The following TOMT variants were observed in gnomAD, a reference collection of about 807,000 sequenced individuals.
TOMT encodes transmembrane O-methyltransferase.
TOMT carries 23 observed loss-of-function variants against 21.7 expected under a neutral mutation model. That is an observed-to-expected ratio of 1.06 (90% confidence interval 0.76 to 1.50). The LOEUF is 1.50. TOMT is among the 40% of genes most tolerant of loss of function. TOMT has a pLI of 0.00. For missense variants in TOMT, 331 were observed against 348.7 expected, an observed-to-expected ratio of 0.95 and a Z score of 0.41; for synonymous variants, 132 against 150.8, an observed-to-expected ratio of 0.88 and a Z score of 0.91.
chr11:72,108,740 C>T, exon 3 of TOMT: 1 of 1,550,556 alleles, frequency 6.4e-7, no homozygotes, highest in South Asian at 1.2e-5. Flanking sequence ...GCTGGAGGCC[C>T]ATGCCCTACT....
chr11:72,106,393 G>A (rs529034429), intron 1 of TOMT, 183 bp downstream of exon 1: 1 of 627,304 alleles, frequency 1.6e-6, no homozygotes, highest in South Asian at 3.5e-5. Flanking sequence ...AACATTTATT[G>A]CCACCTCTTT....
At chr11:72,109,075 C>T in exon 3 of TOMT, 1 of 672,240 alleles carries the variant, frequency 1.5e-6, no homozygotes, top group South Asian at 2.0e-5. Context: ...CTCTTTCAGC[C>T]TCTACACTGA....
rs876657863 is a variant in TOMT, at chr11:72,108,778, C to G, written c.630C>G (p.Asp210Glu). 4.1e-5 allele frequency: 64 copies of G among 1,550,348 alleles called. No homozygotes were observed. The highest frequency in any genetic ancestry group is 1.7e-4 in the Middle Eastern group (1 of 6,014). ...CAGCAGGTGCCACCGTGCTGGCTGA[C>G]CATGTGCTCTTCCCTGGTGCACCCC... The change falls in exon 3 of 3, where the codon GAC (aspartate) becomes GAG (glutamate). Residue 210 changes from aspartate to glutamate, a missense_variant. Asp to Glu is a conservative substitution (Grantham distance 45, BLOSUM62 2). Transcript: ENST00000541899.
Position 72,108,064 on chromosome 11 carries a change from G to A in TOMT, c.401G>A (p.Arg134His), listed in dbSNP as rs531803621. ...CTTCTTACTGTGGAGCGGGACCCAC[G>A]CACGGCAGCAGTGGCTGAAAAACTC... Residue 134 changes from arginine to histidine, a missense_variant, in exon 2 of 3, where the codon CGC becomes CAC. Physicochemically the swap from Arg to His is conservative, Grantham distance 29. Coordinates refer to ENST00000541899, the Ensembl canonical transcript of TOMT. The A allele has an allele frequency of 1.3e-5, 20 of 1,546,062 alleles. No homozygotes were observed. The highest frequency in any genetic ancestry group is 1.7e-4 in the Middle Eastern group (1 of 5,970).
exon 3 of TOMT, chr11:72,109,175 C>T (rs1946070604): frequency 1.9e-6 from 1 of 530,658 alleles, no homozygotes; most frequent in Non-Finnish European, 3.4e-6. Flanking sequence ...GAAGCCTGAG[C>T]TCCCGACCCA....
At position 72,106,174 on chromosome 11, in the gene TOMT, C is replaced by T. The variant is rs1262779917; in HGVS notation, c.223C>T (p.Arg75Cys). The T allele has an allele frequency of 2.6e-6, 4 of 1,517,192 alleles. No individual in the cohort carries two copies. The African/African-American group carries it at 4.1e-5, about 16-fold the overall frequency. 94.0% of individuals were successfully genotyped at this position (1,517,192 alleles called of 1,614,324 possible). A position where few individuals can be genotyped will look rare whatever the true frequency, so the allele number is the denominator to read the frequency against. The change falls in exon 1 of 3, where the codon CGC becomes TGC. Residue 75 changes from arginine (R) to cysteine (C), a missense_variant. Physicochemically the swap from Arg to Cys is radical, Grantham distance 180 (BLOSUM62 -3). Coordinates refer to ENST00000541899, the Ensembl canonical transcript of TOMT. Reference sequence around the variant, plus strand: ...CACCACCCTGGACCACTGGAGCAGCCGCTGCGAGTACTTGAGCCACATGGG... The same window carrying T: ...CACCACCCTGGACCACTGGAGCAGCTGCTGCGAGTACTTGAGCCACATGGG...
At chr11:72,108,051 G>A in exon 2 of TOMT, 2 of 1,550,462 alleles carry the variant, frequency 1.3e-6, no homozygotes, top group Non-Finnish European at 1.7e-6. Flanking sequence ...TCTTACTGTG[G>A]AGCGGGACCC....
chr11:72,106,120 G>C lies in TOMT; in HGVS notation c.169G>C (p.Ala57Pro), dbSNP rs1239074836. Residue 57 changes from alanine to proline, a missense_variant, in exon 1 of 3, where the codon GCC becomes CCC. Transcript: ENST00000541899. ...GGCCTTCAGCTACGTGCTCACCCATGCCCTGCCCGGTGACCCTGGTCACAT... is the reference window on the plus strand; with the variant it reads ...GGCCTTCAGCTACGTGCTCACCCATCCCCTGCCCGGTGACCCTGGTCACAT... 4.5e-6 allele frequency: 7 copies of C among 1,546,490 alleles called. No individual in the cohort carries two copies. In the African/African-American group the frequency reaches 9.6e-5, roughly 21 times the overall value.
At chr11:72,107,382 A>T (rs1201025343) in intron 1 of TOMT, 1 of 682,448 alleles carries the variant, frequency 1.5e-6, no homozygotes, top group East Asian at 2.7e-5. Flanking sequence ...TCTGAAAGAT[A>T]GGGTGGTTGT....
At chr11:72,107,385 G>A in intron 1 of TOMT, 1 of 687,232 alleles carries the variant, frequency 1.5e-6, no homozygotes, top group Non-Finnish European at 2.7e-6. Flanking sequence ...GAAAGATAGG[G>A]TGGTTGTTTC....
rs950338306 is a variant in TOMT at position 72,108,319 on chromosome 11, A to G, written c.456+200A>G. ...CTGCCGGATGACGAAAGAAACAGCT[A>G]AGAGGAAGGTCTCTGGAACCCAGCA... On this transcript the variant is annotated intron_variant, in intron 2 of 2. Transcript: ENST00000541899. Among the ~76,000 whole-genome samples the G allele has an allele frequency of 3.0e-4, 45 of 152,184 alleles. 1 individual carries two copies. Among genetic ancestry groups the G allele is most frequent in the Admixed American group, 2.2e-3 (33 of 15,284 alleles).
At chr11:72,107,884 A>C in intron 1 of TOMT, 39 bp from the exon 2 acceptor site, 2 of 1,550,008 alleles carry the variant, frequency 1.3e-6, no homozygotes, top group Non-Finnish European at 1.7e-6. Flanking sequence ...CCCTGCATCC[A>C]TCTCCCATGT....
intron 1 of TOMT, chr11:72,107,095 C>G (rs1945762384): frequency 7.2e-6 from 2 of 278,058 alleles, no homozygotes; most frequent in African/African-American, 4.5e-5. Flanking sequence ...GCAAGACCCC[C>G]GTTTCTACAA....
intron 1 of TOMT, chr11:72,107,251 A>G (rs780991232): frequency 1.7e-6 from 1 of 597,012 alleles, no homozygotes; most frequent in Non-Finnish European, 3.0e-6. Flanking sequence ...TGGGCAACAC[A>G]GCAAGACTTG....
exon 1 of TOMT, chr11:72,105,931 C>T: frequency 6.5e-7 from 1 of 1,534,294 alleles, no homozygotes; most frequent in Non-Finnish European, 8.8e-7. Context: ...CTCCCTCCAC[C>T]CCAGGGCCCA....
intron 1 of TOMT, chr11:72,107,507 A>G (rs757382263): frequency 1.1e-5 from 8 of 702,886 alleles, no homozygotes; most frequent in Non-Finnish European, 1.8e-5. Context: ...ACATATACAC[A>G]TGTGGCATGA....
In TOMT at chr11:72,108,803, C is replaced by T. The variant is rs370168246; in HGVS notation, c.655C>T (p.Arg219Cys). Residue 219 changes from arginine to cysteine, a missense_variant, in exon 3 of 3, where the codon CGC (arginine) becomes TGC (cysteine). Transcript: ENST00000541899. ...CCATGTGCTCTTCCCTGGTGCACCC[C>T]GCTTCTTGCAGTATGCTAAGAGCTG... is the stretch of plus-strand genomic sequence containing the variant. The T allele has an allele frequency of 2.7e-5, 42 of 1,550,572 alleles. No homozygotes were observed. The highest frequency in any genetic ancestry group is 1.7e-4 in the Middle Eastern group (1 of 5,990).
chr11:72,105,951 C>T (rs1287315641), exon 1 of TOMT: 2 of 1,547,954 alleles, frequency 1.3e-6, no homozygotes, highest in Non-Finnish European at 1.7e-6. Flanking sequence ...AGGTAGGGAC[C>T]ATGTCCCCTG....
chr11:72,109,463 C>T (rs150413720), downstream of TOMT: 277 of 399,974 alleles, frequency 6.9e-4, 3 homozygotes, highest in East Asian at 0.019. Context: ...CCTGGCCTTC[C>T]CTAACTCTGG....
Sources: gnomAD v4.1 joint callset for allele counts (sites outside exome capture counted in the v4.1 genomes callset) on GRCh38, gnomAD v4.1.1 for gene constraint, MANE v1.5 for transcripts, NCBI Gene and HGNC (gene_info 2026-07-23, HGNC 2026-07-21) for gene names.